The following HPS3 variants were observed in gnomAD, a reference collection of about 807,000 sequenced individuals.
The protein encoded by HPS3 is BLOC-2 complex member HPS3.
HPS3 carries 79 observed loss-of-function variants against 110.9 expected under a neutral mutation model. That is an observed-to-expected ratio of 0.71 (90% CI 0.59 to 0.86). HPS3 has a LOEUF of 0.86. Among genes scored for constraint, HPS3 ranks in the 40% least tolerant of loss-of-function variants. The pLI is 0.00. For missense variants in HPS3, 1,197 were observed against 1,206.2 expected, an observed-to-expected ratio of 0.99 and a Z score of 0.11; for synonymous variants, 428 against 451.0, an observed-to-expected ratio of 0.95 and a Z score of 0.65.
intron 4 of HPS3, among the ~76,000 whole-genome samples, chr3:149,144,895 A>G (rs1722698177): frequency 1.3e-5 from 2 of 152,168 alleles, no homozygotes; most frequent in African/African-American, 4.8e-5. Context: ...AATATTTTTG[A>G]TATGTTGGGT....
intron 7 of HPS3, chr3:149,153,861 A>G (rs1440086478): frequency 3.4e-6 from 2 of 587,696 alleles, no homozygotes; most frequent in East Asian, 5.8e-5. Flanking sequence ...AATGGATTAT[A>G]AAATAGTTTC....
At position 149,141,161 on chromosome 3, in the gene HPS3, A is replaced by G. The variant is rs773468722; in HGVS notation, c.857A>G (p.Tyr286Cys). ...STGLADEKRK[Y>C]SHFQHLLYRR... is the part of the protein sequence containing the mutation. ...GGATTAGCTGATGAAAAAAGAAAAT[A>G]TTCCCACTTTCAGCACCTGCTCTAT... The change falls in exon 3 of 17, where the codon TAT (tyrosine) becomes TGT (cysteine). Residue 286 changes from tyrosine (Y) to cysteine (C), a missense_variant. Physicochemically the swap from Tyr to Cys is radical, Grantham distance 194. Transcript: ENST00000296051. The G allele has an allele frequency of 1.9e-6, 3 of 1,609,968 alleles. No homozygotes were observed. In the African/African-American group the frequency reaches 4.1e-5, roughly 22 times the overall value.
chr3:149,152,972 G>A (rs1272019358), intron 6 of HPS3, among the ~76,000 whole-genome samples: 1 of 152,176 alleles, frequency 6.6e-6, no homozygotes, highest in African/African-American at 2.4e-5. Context: ...TAACAGTCAG[G>A]GGCCATCGGA....
chr3:149,136,097 T>G (rs1414112577), intron 1 of HPS3, among the ~76,000 whole-genome samples: 1 of 152,080 alleles, frequency 6.6e-6, no homozygotes, highest in Admixed American at 6.5e-5. Flanking sequence ...GATTTTTCAA[T>G]GTACTTAATA....
chr3:149,151,614 AAAG>A (rs547016577), intron 6 of HPS3, among the ~76,000 whole-genome samples: 14,070 of 133,774 alleles, frequency 0.11, 1,138 homozygotes, highest in African/African-American at 0.12. Flanking sequence ...AAAAAAAAAA[AAAG>A]CCTCTTGACC....
chr3:149,168,778 A>G (rs1030980126), intron 16 of HPS3, among the ~76,000 whole-genome samples: 1 of 152,184 alleles, frequency 6.6e-6, no homozygotes, highest in Non-Finnish European at 1.5e-5. Context: ...TTTTCAGAAG[A>G]TGGAAGTGTC....
chr3:149,129,747 C>A lies in HPS3; in HGVS notation c.24C>A (p.His8Gln). 1 of 1,605,024 alleles carries A rather than the reference C, an allele frequency of 6.2e-7. No homozygotes were observed. MVQLYNL[H>Q]PFGSQQVVPC... ...GGATGGTGCAGCTGTACAACCTGCACCCGTTCGGGTCGCAGCAGGTGGTGC... is the reference window on the plus strand; with the variant it reads ...GGATGGTGCAGCTGTACAACCTGCAACCGTTCGGGTCGCAGCAGGTGGTGC... The change falls in exon 1 of 17, where the codon CAC becomes CAA. Residue 8 changes from histidine to glutamine, a missense_variant. Transcript: ENST00000296051.
At chr3:149,134,502 C>A (rs1372789019) in intron 1 of HPS3, among the ~76,000 whole-genome samples, 1 of 152,198 alleles carries the variant, frequency 6.6e-6, no homozygotes, top group Non-Finnish European at 1.5e-5. Flanking sequence ...ATTATGTAAA[C>A]TTCTAGCTTT....
chr3:149,132,676 T>G (rs1458816400), intron 1 of HPS3, among the ~76,000 whole-genome samples: 1 of 152,250 alleles, frequency 6.6e-6, no homozygotes, highest in African/African-American at 2.4e-5. Context: ...CAAGTCTCAT[T>G]ATTAAAGAAA....
In HPS3 at chr3:149,165,201, G is replaced by A. The variant is rs569601451; in HGVS notation, c.2589+1252G>A. 2.6e-5 allele frequency among the ~76,000 whole-genome samples: 4 copies of A among 152,110 alleles called. No individual in the cohort carries two copies. The South Asian group carries it at 8.3e-4, about 32-fold the overall frequency. On this transcript the variant is annotated intron_variant, in intron 14 of 16. Transcript: ENST00000296051. ...TGAGCATGTGCTGTAGATGTATGGG[G>A]AGCATTGGACAAGACAGATGGAGCT...
In HPS3 at chr3:149,158,825, C is replaced by A; in HGVS notation, c.1851C>A (p.Asn617Lys). The change falls in exon 10 of 17, where the codon AAC (asparagine) becomes AAA (lysine). Residue 617 changes from asparagine (N) to lysine (K), a missense_variant. Physicochemically the swap from Asn to Lys is moderately conservative, Grantham distance 94. Transcript: ENST00000296051. The part of the protein sequence containing the change: ...IFYINHSLYE[N>K]LDEELNEELA... ...ACATTAATCATTCACTTTATGAAAA[C>A]CTGGATGAAGAATTAAATGAAGTGA... 6.3e-7 allele frequency: 1 copy of A among 1,594,170 alleles called. No individual in the cohort carries two copies. Among genetic ancestry groups the A allele is most frequent in the Non-Finnish European group, 8.6e-7 (1 of 1,162,122 alleles).
chr3:149,129,714 G>A lies in HPS3; in HGVS notation c.-10G>A, dbSNP rs1235569717. The stretch of plus-strand genomic sequence containing the variant: ...GGCGGGCAGGCTGTGCCATCCCGCC[G>A]GACGTCGGGATGGTGCAGCTGTACA... On this transcript the variant is annotated 5_prime_UTR_variant, in exon 1 of 17. Coordinates refer to ENST00000296051, the MANE Select transcript of HPS3 (RefSeq NM_032383.5). The A allele has an allele frequency of 1.3e-6, 2 of 1,571,874 alleles. No homozygotes were observed. The highest frequency in any genetic ancestry group is 1.4e-5 in the African/African-American group (1 of 73,370).
chr3:149,168,909 T>C (rs748372635), intron 16 of HPS3, among the ~76,000 whole-genome samples: 1 of 146,994 alleles, frequency 6.8e-6, no homozygotes, highest in African/African-American at 2.4e-5. Context: ...GCATCATCAT[T>C]ATCTTAATCA....
chr3:149,142,073 C>A (rs1722511576), intron 4 of HPS3, among the ~76,000 whole-genome samples: 1 of 151,756 alleles, frequency 6.6e-6, no homozygotes, highest in Non-Finnish European at 1.5e-5. Context: ...TGGTCTCGAA[C>A]TCCCGACCTC....
intron 1 of HPS3, among the ~76,000 whole-genome samples, chr3:149,132,563 C>T (rs771165364): frequency 1.2e-4 from 19 of 152,350 alleles, no homozygotes; most frequent in Non-Finnish European, 2.1e-4. Flanking sequence ...CCTAGTCCCT[C>T]AAGACCTCTG....
At chr3:149,169,913 A>C (rs1440078577) in intron 16 of HPS3, among the ~76,000 whole-genome samples, 3 of 152,208 alleles carry the variant, frequency 2.0e-5, no homozygotes, top group African/African-American at 7.2e-5. Flanking sequence ...GAAGATTTTA[A>C]GGGTACAGGT....
intron 12 of HPS3, 86 bp downstream of exon 12, chr3:149,162,419 C>G: frequency 3.9e-6 from 5 of 1,279,858 alleles, no homozygotes; most frequent in Non-Finnish European, 5.6e-6. Context: ...GTGAGTTTTT[C>G]ATTTGTTTGT....
chr3:149,172,328 A>G lies in HPS3; in HGVS notation c.*106A>G. The G allele has an allele frequency of 1.5e-6, 1 of 675,272 alleles. No homozygotes were observed. Among genetic ancestry groups the G allele is most frequent in the East Asian group, 2.9e-5 (1 of 34,758 alleles). 41.8% of individuals were successfully genotyped at this position (675,272 alleles called of 1,614,324 possible). A position where few individuals can be genotyped will look rare whatever the true frequency, so the allele number is the denominator to read the frequency against. On this transcript the variant is annotated 3_prime_UTR_variant, in exon 17 of 17. Transcript: ENST00000296051. ...TTTTTATTTTATATATCACACACAC[A>G]CACACACACACACACACACACACAC...
In HPS3 at chr3:149,162,129, ATTTC is replaced by A; in HGVS notation, c.2107-12_2107-9del. 1 of 1,608,144 alleles carries A rather than the reference ATTTC, an allele frequency of 6.2e-7. No individual in the cohort carries two copies. The highest frequency in any genetic ancestry group is 8.5e-7 in the Non-Finnish European group (1 of 1,174,774). On this transcript the variant is annotated splice_polypyrimidine_tract_variant and intron_variant, in intron 11 of 16. Coordinates refer to ENST00000296051, the MANE Select transcript of HPS3 (RefSeq NM_032383.5). ...AATACAATGTACCTTTTGTTCCTAAATTTCTTTCTTATCTGAAGATGAAGTTGGT... is the reference window on the plus strand; with the variant it reads ...AATACAATGTACCTTTTGTTCCTAAATTTCTTATCTGAAGATGAAGTTGGT...
Sources: allele counts gnomAD v4.1 joint callset (sites outside exome capture counted in the v4.1 genomes callset), GRCh38; gene constraint gnomAD v4.1.1; transcripts MANE v1.5; gene names NCBI Gene and HGNC (gene_info 2026-07-23, HGNC 2026-07-21).